The following MRPS9 variants were observed in gnomAD, a reference collection of about 807,000 sequenced individuals.
MRPS9 encodes the protein small ribosomal subunit protein uS9m.
MRPS9 carries 45 observed loss-of-function variants against 59.9 expected under a neutral mutation model. The observed-to-expected ratio is 0.75, with a 90% CI of 0.59 to 0.96. The LOEUF (loss-of-function observed/expected upper bound fraction) is 0.96. MRPS9 is among the 40% of genes least tolerant of loss of function. The pLI is 0.00. For missense variants in MRPS9, 473 were observed against 481.1 expected (o/e 0.98, Z 0.16); for synonymous variants, 171 against 166.8 (o/e 1.03, Z -0.19).
chr2:105,085,050 G>C (rs893751518), intron 5 of MRPS9, among the ~76,000 whole-genome samples: 2 of 151,996 alleles, frequency 1.3e-5, no homozygotes, highest in African/African-American at 2.4e-5. Flanking sequence ...ATCACTCCTG[G>C]GTGTGGACTT....
At chr2:105,040,112 C>G (rs1679476314) in intron 1 of MRPS9, among the ~76,000 whole-genome samples, 1 of 152,138 alleles carries the variant, frequency 6.6e-6, no homozygotes, top group Admixed American at 6.5e-5. Context: ...AGCTGACCCC[C>G]CTTTAGATTC....
chr2:105,045,880 TGGG>T (rs1010964946), intron 1 of MRPS9, among the ~76,000 whole-genome samples: 2 of 152,080 alleles, frequency 1.3e-5, no homozygotes, highest in Non-Finnish European at 2.9e-5. Flanking sequence ...CTAATTTCTT[TGGG>T]AGACAGAGTC....
At chr2:105,063,548 G>T (rs1404529490) in intron 2 of MRPS9, among the ~76,000 whole-genome samples, 2 of 152,130 alleles carry the variant, frequency 1.3e-5, no homozygotes, top group African/African-American at 4.8e-5. Context: ...TGCTATATTT[G>T]CTTCAACTGT....
intron 5 of MRPS9, among the ~76,000 whole-genome samples, chr2:105,082,389 G>A (rs748759507): frequency 6.6e-6 from 1 of 152,200 alleles, no homozygotes; most frequent in Non-Finnish European, 1.5e-5. Context: ...GTGCAGTTAT[G>A]TGAGGAGACC....
At chr2:105,072,287 A>T (rs553777261) in intron 4 of MRPS9, among the ~76,000 whole-genome samples, 1 of 152,202 alleles carries the variant, frequency 6.6e-6, no homozygotes, top group East Asian at 1.9e-4. Flanking sequence ...GCATCATCGC[A>T]GTCTTTCAGT....
chr2:105,069,214 CT>C (rs11334093), intron 2 of MRPS9, among the ~76,000 whole-genome samples: 67,606 of 117,194 alleles, frequency 0.58, 16,003 homozygotes, highest in Non-Finnish European at 0.6. Flanking sequence ...ATTGGTCAAT[CT>C]TTTTTTTTTT....
chr2:105,093,583 A>G lies in MRPS9; in HGVS notation c.874A>G (p.Arg292Gly). Residue 292 changes from arginine (R) to glycine (G), a missense_variant, in exon 9 of 11, where the codon AGA becomes GGA. Transcript: ENST00000258455. Reference sequence around the variant, plus strand: ...AATTGTTTATAAACATGGAAGTGGAAGAATAAAAGTAAATGGAATTGATTA... The same window carrying G: ...AATTGTTTATAAACATGGAAGTGGAGGAATAAAAGTAAATGGAATTGATTA... ...EAIVYKHGSG[R>G]IKVNGIDYQL... 1 of 1,607,544 alleles carries G rather than the reference A, an allele frequency of 6.2e-7. No homozygotes were observed.
intron 1 of MRPS9, chr2:105,038,532 G>T (rs569688732): frequency 4.5e-5 from 17 of 375,400 alleles, no homozygotes; most frequent in South Asian, 4.1e-4. Flanking sequence ...GTCTGTGTTG[G>T]GTCCAGTCCT....
At chr2:105,049,852 G>A (rs1679676871) in intron 2 of MRPS9, among the ~76,000 whole-genome samples, 1 of 152,132 alleles carries the variant, frequency 6.6e-6, no homozygotes, top group African/African-American at 2.4e-5. Flanking sequence ...ATTTTTGCTA[G>A]ACATCCTAGA....
chr2:105,083,925 G>A (rs1393145501), intron 5 of MRPS9, among the ~76,000 whole-genome samples: 1 of 152,106 alleles, frequency 6.6e-6, no homozygotes, highest in Non-Finnish European at 1.5e-5. Context: ...ACAGAATATT[G>A]AAAACTCTAT....
At chr2:105,098,583 A>G (rs1411432364) in intron 10 of MRPS9, 2 of 152,242 alleles carry the variant, frequency 1.3e-5, no homozygotes, top group African/African-American at 2.4e-5. Flanking sequence ...TCTGAAAGTA[A>G]TAAAGCATTC....
At chr2:105,043,206 G>T (rs1679531190) in intron 1 of MRPS9, among the ~76,000 whole-genome samples, 1 of 152,110 alleles carries the variant, frequency 6.6e-6, no homozygotes, top group African/African-American at 2.4e-5. Flanking sequence ...GTTAAACAGG[G>T]TTTATGCGTT....
intron 2 of MRPS9, among the ~76,000 whole-genome samples, chr2:105,064,054 G>T (rs918073016): frequency 6.6e-6 from 1 of 152,134 alleles, no homozygotes; most frequent in Non-Finnish European, 1.5e-5. Context: ...AATCCCTAAA[G>T]CAATTGACAA....
chr2:105,076,405 C>A (rs1680213020), intron 4 of MRPS9, among the ~76,000 whole-genome samples: 1 of 152,196 alleles, frequency 6.6e-6, no homozygotes. Flanking sequence ...TGCAATCTTT[C>A]ACTTCCTTTA....
chr2:105,044,759 T>G (rs867929333), intron 1 of MRPS9, among the ~76,000 whole-genome samples: 2 of 152,182 alleles, frequency 1.3e-5, no homozygotes, highest in Non-Finnish European at 2.9e-5. Context: ...CTTGAGAAGA[T>G]GCTAAAATGT....
intron 4 of MRPS9, among the ~76,000 whole-genome samples, chr2:105,076,331 C>A (rs2104457530): frequency 6.6e-6 from 1 of 152,322 alleles, no homozygotes; most frequent in South Asian, 2.1e-4. Context: ...ACAAAGAAAT[C>A]AGTGTGGAAT....
chr2:105,045,288 G>A (rs1289287288), intron 1 of MRPS9, among the ~76,000 whole-genome samples: 2 of 149,856 alleles, frequency 1.3e-5, no homozygotes, highest in South Asian at 2.1e-4. Context: ...AGAGCAAGCT[G>A]TATATGGTCC....
At chr2:105,056,649 T>A (rs370595913) in intron 2 of MRPS9, among the ~76,000 whole-genome samples, 2 of 152,366 alleles carry the variant, frequency 1.3e-5, no homozygotes, top group East Asian at 3.9e-4. Flanking sequence ...CAGTTCTTTA[T>A]AGGTCTTTTT....
chr2:105,054,613 G>A (rs139838314), intron 2 of MRPS9, among the ~76,000 whole-genome samples: 26,812 of 144,516 alleles, frequency 0.19, 2,191 homozygotes, highest in Middle Eastern at 0.29. Context: ...TAAATATAGC[G>A]GGCCCCTTTT....
Sources: gnomAD v4.1 joint callset for allele counts (sites outside exome capture counted in the v4.1 genomes callset) on GRCh38, gnomAD v4.1.1 for gene constraint, MANE v1.5 for transcripts, NCBI Gene and HGNC (gene_info 2026-07-23, HGNC 2026-07-21) for gene names.